Variants in SERPINE2 observed in about 807,000 individuals in gnomAD.
SERPINE2 encodes the protein serpin family E member 2.
Under a neutral mutation model 36.3 loss-of-function variants are expected in SERPINE2, and 14 were observed. That is an observed-to-expected ratio of 0.39 (90% CI 0.25 to 0.60). The LOEUF is 0.60. SERPINE2 is among the 20% of genes least tolerant of loss of function. The probability of loss-of-function intolerance (pLI) is 0.57; values close to 1 mark genes in which losing one functional copy is unlikely to be tolerated. For synonymous variants in SERPINE2, 192 were observed against 191.8 expected, an observed-to-expected ratio of 1.00 and a Z score of -0.01; for missense variants, 418 against 499.6, an observed-to-expected ratio of 0.84 and a Z score of 1.56.
chr2:223,995,483 T>C (rs1690845743), intron 3 of SERPINE2, among the ~76,000 whole-genome samples: 1 of 152,224 alleles, frequency 6.6e-6, no homozygotes, highest in South Asian at 2.1e-4. Flanking sequence ...CAATGAAGAA[T>C]TGTGCTGCTT....
In SERPINE2 at chr2:223,980,401, C is replaced by T. The variant is rs2106132966; in HGVS notation, c.986-4G>A. On this transcript the variant is annotated splice_region_variant and splice_polypyrimidine_tract_variant and intron_variant, in intron 6 of 8. Transcript: ENST00000409304. Reference sequence around the variant, plus strand: ...GAAACATGGAGGTTTTCTGACCCTGCTTCCAGAAAATAAAACAGTATCAGC... The same window carrying T: ...GAAACATGGAGGTTTTCTGACCCTGTTTCCAGAAAATAAAACAGTATCAGC... 6.2e-7 allele frequency: 1 copy of T among 1,613,216 alleles called. No homozygotes were observed. Among genetic ancestry groups the T allele is most frequent in the Non-Finnish European group, 8.5e-7 (1 of 1,179,170 alleles).
chr2:223,982,422 C>A (rs1030475762), intron 6 of SERPINE2: 11 of 338,630 alleles, frequency 3.2e-5, no homozygotes, highest in Non-Finnish European at 4.4e-5. Flanking sequence ...GACTTCATCG[C>A]TATATAAACT....
chr2:224,031,065 G>A, intron 1 of SERPINE2: 1 of 975,906 alleles, frequency 1.0e-6, no homozygotes, highest in Non-Finnish European at 1.2e-6. Flanking sequence ...GTCTTGAAAG[G>A]AGGAGTGTGC....
chr2:223,983,854 C>T (rs1690324673), intron 5 of SERPINE2, among the ~76,000 whole-genome samples: 2 of 151,502 alleles, frequency 1.3e-5, no homozygotes, highest in South Asian at 4.2e-4. Context: ...CAGATTCTCA[C>T]CACAGATGGG....
chr2:223,996,769 C>A (rs890763281), intron 3 of SERPINE2, among the ~76,000 whole-genome samples: 1 of 152,208 alleles, frequency 6.6e-6, no homozygotes, highest in African/African-American at 2.4e-5. Context: ...TATTGACTCT[C>A]TCCCTTCTAT....
chr2:224,003,468 A>G (rs1691271154), intron 1 of SERPINE2, among the ~76,000 whole-genome samples: 2 of 152,230 alleles, frequency 1.3e-5, no homozygotes, highest in African/African-American at 4.8e-5. Context: ...TTAAAGAATT[A>G]TTAATTAAAA....
intron 1 of SERPINE2, among the ~76,000 whole-genome samples, chr2:224,033,528 C>T (rs183535681): frequency 4.3e-4 from 66 of 152,158 alleles, no homozygotes; most frequent in African/African-American, 1.3e-3. Context: ...TTTCAATATA[C>T]CCATTATACA....
At chr2:224,030,357 G>C in intron 1 of SERPINE2, 1 of 351,412 alleles carries the variant, frequency 2.8e-6, no homozygotes, top group Non-Finnish European at 4.0e-6. Flanking sequence ...ATGAGTCTCA[G>C]AGAAGTGCTC....
intron 1 of SERPINE2, among the ~76,000 whole-genome samples, chr2:224,022,158 CAAAAAAAAA>C (rs71058977): frequency 0.22 from 16,309 of 72,624 alleles, 1,182 homozygotes; most frequent in Middle Eastern, 0.36. Context: ...GACTCCTTCT[CAAAAAAAAA>C]AAAAAAAAAA....
rs1690692685 is a variant in SERPINE2 at position 223,991,954 on chromosome 2, G to T, written c.534C>A (p.Leu178=). ...LLSPDLIDGV[L]TRLVLVNAVY... ...CTGCGTTGACGAGGACCAGTCTGGT[G>T]AGCACACCATCAATAAGATCTGGGG... Residue 178 remains leucine (L), a synonymous_variant, in exon 4 of 9, where the codon CTC becomes CTA. Transcript: ENST00000409304. 6.2e-7 allele frequency: 1 copy of T among 1,613,792 alleles called. No individual in the cohort carries two copies. Among genetic ancestry groups the T allele is most frequent in the African/African-American group, 1.3e-5 (1 of 74,900 alleles).
At chr2:223,988,309 C>T (rs1690519364) in intron 4 of SERPINE2, among the ~76,000 whole-genome samples, 1 of 152,170 alleles carries the variant, frequency 6.6e-6, no homozygotes, top group Non-Finnish European at 1.5e-5. Flanking sequence ...GCTGGGACCA[C>T]AGGTGAGCAC....
At chr2:224,000,140 G>A (rs971237274) in intron 2 of SERPINE2, among the ~76,000 whole-genome samples, 1 of 152,188 alleles carries the variant, frequency 6.6e-6, no homozygotes, top group East Asian at 1.9e-4. Flanking sequence ...AGCTGACGAC[G>A]CCAGTGCAGT....
At chr2:224,005,323 T>C (rs1344785644) in intron 1 of SERPINE2, among the ~76,000 whole-genome samples, 5 of 151,858 alleles carry the variant, frequency 3.3e-5, no homozygotes, top group African/African-American at 9.7e-5. Flanking sequence ...TTGAGAGCTG[T>C]CTATGTACAG....
chr2:223,977,807 C>G (rs756845713), intron 7 of SERPINE2, 180 bp from the exon 8 acceptor site: 4 of 562,578 alleles, frequency 7.1e-6, no homozygotes, highest in Non-Finnish European at 1.3e-5. Flanking sequence ...CTAAGCCTAC[C>G]TTGGGCCAGG....
In SERPINE2 at chr2:223,983,097, T is replaced by C. The variant is rs1426260033; in HGVS notation, c.885-316A>G. 2.6e-5 allele frequency among the ~76,000 whole-genome samples: 4 copies of C among 152,170 alleles called. No homozygotes were observed. The East Asian group carries it at 5.8e-4, about 22-fold the overall frequency. On this transcript the variant is annotated intron_variant, in intron 5 of 8. Coordinates refer to ENST00000409304, the MANE Select transcript of SERPINE2 (RefSeq NM_001136528.2). ...ACTTTCTTTTATACTGACGTGGAGG[T>C]TGAGTGTTAACAAGTTCCTAGTACT...
chr2:223,975,942 A>G, intron 8 of SERPINE2, 38 bp from the exon 9 acceptor site: 1 of 1,547,036 alleles, frequency 6.5e-7, no homozygotes, highest in South Asian at 1.2e-5. Flanking sequence ...GACTCTGTAA[A>G]TTAATAATCC....
intron 2 of SERPINE2, among the ~76,000 whole-genome samples, chr2:223,999,681 G>T (rs1209289506): frequency 3.9e-5 from 6 of 152,216 alleles, no homozygotes; most frequent in Admixed American, 3.9e-4. Context: ...GCCCTTTTGG[G>T]GTAGGGGTGA....
At chr2:223,983,321 T>C (rs559990720) in intron 5 of SERPINE2, among the ~76,000 whole-genome samples, 104 of 152,332 alleles carry the variant, frequency 6.8e-4, no homozygotes, top group Non-Finnish European at 1.2e-3. Flanking sequence ...TGGTGCAATC[T>C]TGGCTCACTG....
chr2:223,997,166 T>G (rs1234878552), intron 3 of SERPINE2, among the ~76,000 whole-genome samples: 1 of 152,200 alleles, frequency 6.6e-6, no homozygotes. Flanking sequence ...TCCTCCTGCA[T>G]GTTTCCAACT....
Sources: allele counts gnomAD v4.1 joint callset (sites outside exome capture counted in the v4.1 genomes callset), GRCh38; gene constraint gnomAD v4.1.1; transcripts MANE v1.5; gene names NCBI Gene and HGNC (gene_info 2026-07-23, HGNC 2026-07-21).